TTN: variants seen among roughly 807,000 people sequenced by gnomAD.
TTN encodes connectin.
In TTN, 1,525 loss-of-function variants were observed where a neutral mutation model predicts 3,223.0. That is an observed-to-expected ratio of 0.47 (90% CI 0.45 to 0.49). The LOEUF is 0.49. Among genes scored for constraint, TTN ranks in the 20% least tolerant of loss-of-function variants. The pLI is 0.00. For synonymous variants in TTN, 14,094 were observed against 15,161.0 expected (o/e 0.93, Z 5.17); for missense variants, 40,786 against 43,424.0 (o/e 0.94, Z 5.40).
intron 40 of TTN, among the ~76,000 whole-genome samples, chr2:178,767,386 T>C (rs912882416): frequency 3.9e-5 from 6 of 152,234 alleles, no homozygotes; most frequent in Non-Finnish European, 7.3e-5. Flanking sequence ...TCTCCACAGA[T>C]AGAAACCTTC....
rs2050836633 is a variant in TTN, at chr2:178,593,953, A to T, written c.58432+8T>A. 1.2e-6 allele frequency: 2 copies of T among 1,612,972 alleles called. No homozygotes were observed. The highest frequency in any genetic ancestry group is 1.7e-6 in the Non-Finnish European group (2 of 1,179,586). ...GAAGATCTATTCTTTCCACTAAATA[A>T]GACTTACCAACAACATTAACTTGAC... is the stretch of plus-strand genomic sequence containing the variant. On this transcript the variant is annotated splice_region_variant and intron_variant, in intron 297 of 362. Coordinates refer to ENST00000589042, the MANE Select transcript of TTN (RefSeq NM_001267550.2).
Position 178,528,735 on chromosome 2 carries a change from T to G in TTN, c.107016A>C (p.Glu35672Asp), listed in dbSNP as rs753906444. Residue 35672 changes from glutamate (E) to aspartate (D), a missense_variant, in exon 360 of 363, where the codon GAA (glutamate) becomes GAC (aspartate). Transcript: ENST00000589042. ...LTIKQASHRD[E>D]GILTCISKTK... is the part of the protein sequence containing the mutation. Reference sequence around the variant, plus strand: ...TTTTGCTTATGCAGGTGAGGATTCCTTCATCTCTGTGACTGGCTTGCTTGA... The same window carrying G: ...TTTTGCTTATGCAGGTGAGGATTCCGTCATCTCTGTGACTGGCTTGCTTGA... The G allele has an allele frequency of 6.2e-7, 1 of 1,613,352 alleles. No homozygotes were observed. Among genetic ancestry groups the G allele is most frequent in the South Asian group, 1.1e-5 (1 of 91,020 alleles).
At chr2:178,783,808 A>G in intron 16 of TTN, 23 bp from the exon 17 acceptor site, 1 of 1,600,056 alleles carries the variant, frequency 6.2e-7, no homozygotes, top group Non-Finnish European at 8.6e-7. Context: ...AAATTATATT[A>G]CAAAATGCTC....
In TTN at chr2:178,636,125, C is replaced by G; in HGVS notation, c.41446G>C (p.Gly13816Arg). The G allele has an allele frequency of 1.2e-6, 2 of 1,613,200 alleles. No individual in the cohort carries two copies. The highest frequency in any genetic ancestry group is 1.7e-6 in the Non-Finnish European group (2 of 1,179,512). ...CCAGGTTTCTCCACCACAATCTTGC[C>G]ATCCTTCCTCCAGACCACGTCACGC... ...KERDVVWRKDGKIVVEKPGRI... is the reference protein window; with the variant it reads ...KERDVVWRKDRKIVVEKPGRI... Residue 13816 changes from glycine to arginine, a missense_variant, in exon 226 of 363, where the codon GGC (glycine) becomes CGC (arginine). Coordinates refer to ENST00000589042, the MANE Select transcript of TTN (RefSeq NM_001267550.2). The surrounding 1 kb of genome is among the most constrained non-coding windows in gnomAD (Gnocchi z 4.3).
At chr2:178,708,438 G>A (rs1390958804) in intron 99 of TTN, among the ~76,000 whole-genome samples, 1 of 152,150 alleles carries the variant, frequency 6.6e-6, no homozygotes, top group African/African-American at 2.4e-5. Context: ...GGAAGGCAAT[G>A]TACAACTCAG....
chr2:178,749,840 T>C (rs1394028661), intron 47 of TTN: 2 of 1,613,062 alleles, frequency 1.2e-6, no homozygotes, highest in East Asian at 2.2e-5. Context: ...TACAACTGGC[T>C]GGGGCTCACC....
At chr2:178,695,031 T>C in intron 115 of TTN, 125 bp from the exon 116 acceptor site, 1 of 701,102 alleles carries the variant, frequency 1.4e-6, no homozygotes, top group Non-Finnish European at 2.3e-6. Context: ...CAGATACATG[T>C]ATCATTTTTT....
In TTN at chr2:178,713,116, A is replaced by G. The variant is rs750885483; in HGVS notation, c.27018T>C (p.Ser9006=). ...CAGTCAAAGGAGCACTACATTCATC[A>G]GAACCAGCCATATTAGTAGCTATAC... is the stretch of plus-strand genomic sequence containing the variant. The part of the protein sequence containing the change: ...YTCIATNMAG[S]DECSAPLTVR... The change falls in exon 93 of 363, where the codon TCT becomes TCC. Residue 9006 remains serine, a synonymous_variant. Transcript: ENST00000589042. 6.2e-7 allele frequency: 1 copy of G among 1,613,734 alleles called. No individual in the cohort carries two copies. The highest frequency in any genetic ancestry group is 8.5e-7 in the Non-Finnish European group (1 of 1,179,732).
intron 134 of TTN, 45 bp from the exon 135 acceptor site, chr2:178,682,948 T>C (rs2069830842): frequency 6.7e-7 from 1 of 1,485,036 alleles, no homozygotes; most frequent in Admixed American, 2.2e-5. Context: ...TTAAAGCACT[T>C]TTAAGGATGA....
Position 178,705,362 on chromosome 2 carries a change from A to G in TTN, c.29421-5T>C. 1 of 1,532,438 alleles carries G rather than the reference A, an allele frequency of 6.5e-7. No homozygotes were observed. The highest frequency in any genetic ancestry group is 8.8e-7 in the Non-Finnish European group (1 of 1,142,850). The allele number at this position is 1,532,438 out of a possible 1,614,324, so 94.9% of individuals were successfully genotyped here. A position where few individuals can be genotyped will look rare whatever the true frequency, so the allele number is the denominator to read the frequency against. ...CCTTTCTTTAAGATTGGAGTCCTAA[A>G]TAAAATTTAAAAAGTAAGGATAAAA... On this transcript the variant is annotated splice_polypyrimidine_tract_variant and splice_region_variant and intron_variant, in intron 102 of 362. Coordinates refer to ENST00000589042, the MANE Select transcript of TTN (RefSeq NM_001267550.2).
intron 290 of TTN, 41 bp downstream of exon 290, chr2:178,599,105 A>G (rs776923620): frequency 6.6e-7 from 1 of 1,508,634 alleles, no homozygotes; most frequent in Non-Finnish European, 8.8e-7. Flanking sequence ...TTAAAAAAAA[A>G]GTAAAAATGG....
In TTN at chr2:178,554,165, G is replaced by A. The variant is rs764695663; in HGVS notation, c.88946C>T (p.Ser29649Leu). The change falls in exon 333 of 363, where the codon TCG becomes TTG. Residue 29649 changes from serine (S) to leucine (L), a missense_variant. Coordinates refer to ENST00000589042, the MANE Select transcript of TTN (RefSeq NM_001267550.2). ...IPEVTKITKN[S>L]MTVVWSRPIA... Reference sequence around the variant, plus strand: ...TGGCCTGCTCCATACAACAGTCATCGAATTCTTGGTAATCTTTGTCACTTC... The same window carrying A: ...TGGCCTGCTCCATACAACAGTCATCAAATTCTTGGTAATCTTTGTCACTTC... 2.0e-5 allele frequency: 32 copies of A among 1,610,116 alleles called. No homozygotes were observed. The highest frequency in any genetic ancestry group is 1.5e-4 in the Admixed American group (9 of 59,362).
chr2:178,542,125 T>G, intron 349 of TTN, 139 bp downstream of exon 349: 1 of 876,348 alleles, frequency 1.1e-6, no homozygotes, highest in Non-Finnish European at 1.6e-6. Context: ...GAAAAGGAGG[T>G]TTAGAAACCT....
chr2:178,746,360 A>G (rs1466509049), intron 47 of TTN: 1 of 1,612,230 alleles, frequency 6.2e-7, no homozygotes, highest in Non-Finnish European at 8.5e-7. Flanking sequence ...AAGAACATCT[A>G]GACTCACAAT....
rs757125254 is a variant in TTN at position 178,531,552 on chromosome 2, G to T, written c.105063C>A (p.Gly35021=). The change falls in exon 358 of 363, where the codon GGC becomes GGA. Residue 35021 remains glycine (G), a synonymous_variant. Transcript: ENST00000589042. ...TYRAVCTNYK[G]EASDYATLDV... is the part of the protein sequence containing the mutation. ...CCAACGTTGCATAGTCAGAAGCTTC[G>T]CCCTTGTAGTTGGTGCACACAGCAC... is the stretch of plus-strand genomic sequence containing the variant. 1 of 1,613,736 alleles carries T rather than the reference G, an allele frequency of 6.2e-7. No homozygotes were observed. The highest frequency in any genetic ancestry group is 1.1e-5 in the South Asian group (1 of 91,082).
In TTN at chr2:178,647,077, A is replaced by T. The variant is rs1400146703; in HGVS notation, c.40209T>A (p.Thr13403=). ...KASITIGRKE[T]PPVEEREIEK... The stretch of plus-strand genomic sequence containing the variant: ...ATATATATATACCTTCAACAGGGGG[A>T]GTCTCTTTTCTACCAATGGTTATAG... The change falls in exon 215 of 363, where the codon ACT becomes ACA. Residue 13403 remains threonine, a synonymous_variant. Coordinates refer to ENST00000589042, the MANE Select transcript of TTN (RefSeq NM_001267550.2). 1 of 1,307,498 alleles carries T rather than the reference A, an allele frequency of 7.6e-7. No individual in the cohort carries two copies. Among genetic ancestry groups the T allele is most frequent in the Non-Finnish European group, 1.0e-6 (1 of 996,762 alleles). 81.0% of individuals were successfully genotyped at this position (1,307,498 alleles called of 1,614,324 possible). A position where few individuals can be genotyped will look rare whatever the true frequency, so the allele number is the denominator to read the frequency against.
In TTN at chr2:178,528,986, C is replaced by A. The variant is rs745560169; in HGVS notation, c.106765G>T (p.Val35589Phe). The change falls in exon 360 of 363, where the codon GTC becomes TTC. Residue 35589 changes from valine to phenylalanine, a missense_variant. Transcript: ENST00000589042. The stretch of plus-strand genomic sequence containing the variant: ...GATGTTTTAGTGATTTCCTCATGGA[C>A]AATGGATTTTTCCAGGGAGGTTGCT... The part of the protein sequence containing the change: ...SAATSLEKSI[V>F]HEEITKTSQA... 1 of 1,613,992 alleles carries A rather than the reference C, an allele frequency of 6.2e-7. No individual in the cohort carries two copies. The highest frequency in any genetic ancestry group is 8.5e-7 in the Non-Finnish European group (1 of 1,179,878).
chr2:178,616,550 C>T lies in TTN; in HGVS notation c.48241G>A (p.Asp16081Asn). 2.5e-6 allele frequency: 4 copies of T among 1,612,460 alleles called. No individual in the cohort carries two copies. Among genetic ancestry groups the T allele is most frequent in the Non-Finnish European group, 3.4e-6 (4 of 1,178,994 alleles). ...CCAGTTAACGGACTTCCTCCATCATCATCAGGTGGTTCCCAAGTCAAATGT... is the reference window on the plus strand; with the variant it reads ...CCAGTTAACGGACTTCCTCCATCATTATCAGGTGGTTCCCAAGTCAAATGT... ...SVHLTWEPPD[D>N]DGGSPLTGYV... The change falls in exon 257 of 363, where the codon GAT becomes AAT. Residue 16081 changes from aspartate (D) to asparagine (N), a missense_variant. Coordinates refer to ENST00000589042, the MANE Select transcript of TTN (RefSeq NM_001267550.2).
rs1389073196 is a variant in TTN, at chr2:178,669,588, A to G, written c.35470+4T>C. 5.6e-6 allele frequency: 9 copies of G among 1,612,304 alleles called. No individual in the cohort carries two copies. The Admixed American group carries it at 6.7e-5, about 12-fold the overall frequency. ...TTCATGTTCTGATTAGCATCACTGT[A>G]TACCTTTAGCTGGTGGAACTTCAGG... On this transcript the variant is annotated splice_donor_region_variant and intron_variant, in intron 158 of 362. Coordinates refer to ENST00000589042, the MANE Select transcript of TTN (RefSeq NM_001267550.2).
Sources: allele counts gnomAD v4.1 joint callset (sites outside exome capture counted in the v4.1 genomes callset), GRCh38; gene constraint gnomAD v4.1.1; non-coding constraint Gnocchi (gnomAD v3.1); transcripts MANE v1.5; gene names NCBI Gene and HGNC (gene_info 2026-07-23, HGNC 2026-07-21).